The following DAB1 variants were observed in gnomAD, a reference collection of about 807,000 sequenced individuals.
DAB1 encodes the protein DAB adaptor protein 1.
In DAB1, 15 loss-of-function variants were observed where a neutral mutation model predicts 64.6. The observed-to-expected ratio is 0.23, with a 90% CI of 0.16 to 0.36. DAB1 has a LOEUF of 0.36. DAB1 is among the 10% of genes least tolerant of loss of function. The probability of loss-of-function intolerance (pLI) is 1.00; values close to 1 mark genes in which losing one functional copy is unlikely to be tolerated. For synonymous variants in DAB1, 235 were observed against 251.9 expected (o/e 0.93, Z 0.64); for missense variants, 596 against 706.7 (o/e 0.84, Z 1.78).
At chr1:57,901,363 C>A (rs567333578) in intron 5 of DAB1, among the ~76,000 whole-genome samples, 1 of 152,144 alleles carries the variant, frequency 6.6e-6, no homozygotes. Flanking sequence ...CGAGCTCCCC[C>A]TCCCTGCAAT....
chr1:57,280,141 GC>G (rs1470758772), intron 2 of DAB1, among the ~76,000 whole-genome samples: 1 of 152,172 alleles, frequency 6.6e-6, no homozygotes, highest in East Asian at 1.9e-4. Flanking sequence ...ACCTCTCTGA[GC>G]CTCAGTTGCC....
At chr1:57,209,037 G>A (rs938162139) in intron 2 of DAB1, among the ~76,000 whole-genome samples, 1 of 152,248 alleles carries the variant, frequency 6.6e-6, no homozygotes, top group Non-Finnish European at 1.5e-5. Flanking sequence ...GAGAAGGTGA[G>A]CTGCAGATGG....
chr1:58,410,370 T>C (rs1359111372), intron 3 of DAB1, among the ~76,000 whole-genome samples: 1 of 152,214 alleles, frequency 6.6e-6, no homozygotes, highest in Non-Finnish European at 1.5e-5. Flanking sequence ...GGCTCCTTCA[T>C]CCTGATGTGG....
chr1:57,900,534 C>T (rs1223601959), intron 5 of DAB1, among the ~76,000 whole-genome samples: 1 of 152,202 alleles, frequency 6.6e-6, no homozygotes, highest in Non-Finnish European at 1.5e-5. Context: ...GCTAGGCTAC[C>T]TGAGCAAGCG....
At chr1:57,141,054 A>C (rs1482991233) in intron 3 of DAB1, among the ~76,000 whole-genome samples, 1 of 152,190 alleles carries the variant, frequency 6.6e-6, no homozygotes, top group African/African-American at 2.4e-5. Context: ...TTCAGGCATG[A>C]ATTCTGAAAA....
At chr1:57,246,960 T>A (rs1225475926) in intron 2 of DAB1, among the ~76,000 whole-genome samples, 4 of 152,218 alleles carry the variant, frequency 2.6e-5, no homozygotes, top group Non-Finnish European at 5.9e-5. Context: ...GTACCCCCAT[T>A]GTATCTTGGA....
At chr1:57,791,588 C>G (rs758803203) in intron 6 of DAB1, among the ~76,000 whole-genome samples, 1 of 152,090 alleles carries the variant, frequency 6.6e-6, no homozygotes, top group Non-Finnish European at 1.5e-5. Flanking sequence ...TGATAATAAC[C>G]ACCTTGCAGA....
At chr1:57,635,236 T>C (rs1646037236) in intron 7 of DAB1, among the ~76,000 whole-genome samples, 1 of 152,094 alleles carries the variant, frequency 6.6e-6, no homozygotes, top group Non-Finnish European at 1.5e-5. Flanking sequence ...TAAGGTTAAA[T>C]GAGGTAATAA....
intron 7 of DAB1, among the ~76,000 whole-genome samples, chr1:57,578,505 T>C (rs1215257138): frequency 6.6e-6 from 1 of 152,180 alleles, no homozygotes. Context: ...AGAACTTATG[T>C]TCCAGAGGGC....
At chr1:58,007,321 A>C (rs913923068) in intron 5 of DAB1, among the ~76,000 whole-genome samples, 4 of 152,222 alleles carry the variant, frequency 2.6e-5, no homozygotes, top group African/African-American at 9.6e-5. Context: ...CAGAAGGATT[A>C]GAAGAAAGGT....
At chr1:57,834,924 C>T (rs928600753) in intron 1 of DAB1, among the ~76,000 whole-genome samples, 3 of 152,042 alleles carry the variant, frequency 2.0e-5, no homozygotes, top group African/African-American at 7.2e-5. Context: ...CTATTTTCCC[C>T]ACCTTTTGTT....
At chr1:58,455,922 G>A (rs1445240994) in intron 3 of DAB1, among the ~76,000 whole-genome samples, 1 of 152,152 alleles carries the variant, frequency 6.6e-6, no homozygotes, top group Non-Finnish European at 1.5e-5. Flanking sequence ...TCAGTCAGGG[G>A]CACACCCATA....
chr1:57,009,813 G>T (rs541897179), intron 14 of DAB1, among the ~76,000 whole-genome samples: 104 of 152,222 alleles, frequency 6.8e-4, no homozygotes, highest in Non-Finnish European at 1.1e-3. Flanking sequence ...TCTTTCTTTC[G>T]ATCAAATCAG....
At position 58,244,300 on chromosome 1, in the gene DAB1, G is replaced by A. The variant is rs575885212; in HGVS notation, n.310-93712C>T. 2.0e-4 allele frequency among the ~76,000 whole-genome samples: 30 copies of A among 152,300 alleles called. No homozygotes were observed. In the South Asian group the frequency reaches 6.2e-3, roughly 32 times the overall value. On this transcript the variant is annotated intron_variant and non_coding_transcript_variant, in intron 4 of 20. Transcript: ENST00000485760. ...ATGGTGATGATGGTTCTACTGCTGA[G>A]GAATTCTAGGATCTTACACAGGTCC...
rs1649270754 is a variant in DAB1, at chr1:57,765,529, G to T, written n.552-115864C>A. 2.0e-5 allele frequency among the ~76,000 whole-genome samples: 3 copies of T among 152,126 alleles called. No individual in the cohort carries two copies. In the South Asian group the frequency reaches 6.2e-4, roughly 32 times the overall value. On this transcript the variant is annotated intron_variant and non_coding_transcript_variant, in intron 6 of 20. Transcript: ENST00000485760. ...ACTTCGATGACAAGCCCACGTGAAA[G>T]CATATCTAGGGGTAACTCAACTTTC...
chr1:58,126,197 C>T (rs1653068216), intron 5 of DAB1, among the ~76,000 whole-genome samples: 3 of 152,178 alleles, frequency 2.0e-5, no homozygotes, highest in Non-Finnish European at 2.9e-5. Context: ...GGCATGGCTG[C>T]CCTGCTGTAC....
chr1:57,127,875 TG>T (rs1294047686), intron 4 of DAB1, among the ~76,000 whole-genome samples: 5 of 152,130 alleles, frequency 3.3e-5, no homozygotes, highest in African/African-American at 1.2e-4. Flanking sequence ...TGTCCGGGCG[TG>T]GTAGTTCACA....
In DAB1 at chr1:56,997,516, A is replaced by T. The variant is rs1009706469; in HGVS notation, c.*628T>A. 3 of 150,412 alleles carry T rather than the reference A, an allele frequency of 2.0e-5. No homozygotes were observed. Among genetic ancestry groups the T allele is most frequent in the Non-Finnish European group, 4.4e-5 (3 of 67,572 alleles). 9.3% of individuals were successfully genotyped at this position (150,412 alleles called of 1,614,324 possible). A position where few individuals can be genotyped will look rare whatever the true frequency, so the allele number is the denominator to read the frequency against. Reference sequence around the variant, plus strand: ...GATTTCTTCACCCATATCTAAAAAAAGTCAAAAGCAATACAAAAATTTGTA... The same window carrying T: ...GATTTCTTCACCCATATCTAAAAAATGTCAAAAGCAATACAAAAATTTGTA... On this transcript the variant is annotated 3_prime_UTR_variant, in exon 15 of 15. Coordinates refer to ENST00000371236, the MANE Select transcript of DAB1 (RefSeq NM_001365792.1).
At chr1:57,248,045 C>T (rs1669020064) in intron 2 of DAB1, among the ~76,000 whole-genome samples, 1 of 152,116 alleles carries the variant, frequency 6.6e-6, no homozygotes, top group Non-Finnish European at 1.5e-5. Context: ...TTCCAGGACC[C>T]TTGTGGATAC....
Sources: allele counts gnomAD v4.1 joint callset (sites outside exome capture counted in the v4.1 genomes callset), GRCh38; gene constraint gnomAD v4.1.1; transcripts MANE v1.5; gene names NCBI Gene and HGNC (gene_info 2026-07-23, HGNC 2026-07-21).